FER: variants seen among roughly 807,000 people sequenced by gnomAD.
FER encodes FER tyrosine kinase.
In FER, 63 loss-of-function variants were observed where a neutral mutation model predicts 111.0. The ratio of observed to expected loss-of-function variants is 0.57; its 90% CI spans 0.46 to 0.70. The LOEUF (loss-of-function observed/expected upper bound fraction) is 0.70, where lower values mean the gene tolerates loss of function less well. Ranked by LOEUF, FER falls within the 30% of genes least tolerant of loss-of-function variation. The pLI is 0.00. For missense variants in FER, 914 were observed against 954.0 expected (o/e 0.96, Z 0.55); for synonymous variants, 327 against 313.9 (o/e 1.04, Z -0.44).
intron 16 of FER, among the ~76,000 whole-genome samples, chr5:109,085,341 C>A (rs1777444760): frequency 6.6e-6 from 1 of 151,340 alleles, no homozygotes; most frequent in Non-Finnish European, 1.5e-5. Context: ...GGATGTTTTT[C>A]TAATTTACTT....
intron 13 of FER, among the ~76,000 whole-genome samples, chr5:108,968,297 C>T (rs1281599044): frequency 3.3e-5 from 5 of 151,880 alleles, no homozygotes; most frequent in South Asian, 2.1e-4. Context: ...TGAGGCAGGA[C>T]AATTGCTTGA....
chr5:109,062,801 A>G (rs1774596062), intron 16 of FER, among the ~76,000 whole-genome samples: 1 of 152,138 alleles, frequency 6.6e-6, no homozygotes, highest in African/African-American at 2.4e-5. Flanking sequence ...TTCTGACCTG[A>G]ATGTTCTTTT....
Position 109,074,718 on chromosome 5 carries a change from A to G in FER, c.1925-25678A>G, listed in dbSNP as rs79567307. Among the ~76,000 whole-genome samples, 27 of 152,394 alleles carry G rather than the reference A, an allele frequency of 1.8e-4. 1 individual carries two copies. In the East Asian group the frequency reaches 4.4e-3, roughly 25 times the overall value. Reference sequence around the variant, plus strand: ...ATCTTCATGGAAATTGAAGAGTTGTACAGGTATGTTTTGGAACCAGGGCTT... The same window carrying G: ...ATCTTCATGGAAATTGAAGAGTTGTGCAGGTATGTTTTGGAACCAGGGCTT... On this transcript the variant is annotated intron_variant, in intron 16 of 19. Coordinates refer to ENST00000281092, the MANE Select transcript of FER (RefSeq NM_005246.4).
chr5:108,771,128 G>A (rs1302697209), intron 2 of FER, among the ~76,000 whole-genome samples: 2 of 151,856 alleles, frequency 1.3e-5, no homozygotes, highest in African/African-American at 4.8e-5. Flanking sequence ...TAGAGACAGG[G>A]TTTCACCATG....
At chr5:108,975,985 G>C (rs907017312) in intron 13 of FER, among the ~76,000 whole-genome samples, 9 of 152,208 alleles carry the variant, frequency 5.9e-5, no homozygotes, top group Non-Finnish European at 1.2e-4. Flanking sequence ...GATGTGACCT[G>C]TAGGCCGATG....
chr5:108,866,375 T>C (rs1334955586), intron 5 of FER, among the ~76,000 whole-genome samples: 1 of 151,854 alleles, frequency 6.6e-6, no homozygotes, highest in Admixed American at 6.6e-5. Flanking sequence ...CATAGGTGGG[T>C]ATTGAACAGT....
chr5:108,847,182 A>G (rs773913916), intron 5 of FER, among the ~76,000 whole-genome samples: 5 of 150,910 alleles, frequency 3.3e-5, no homozygotes, highest in East Asian at 1.9e-4. Context: ...TTTGCCCTCA[A>G]TTTTATATAT....
intron 10 of FER, among the ~76,000 whole-genome samples, chr5:108,902,924 TTTA>T (rs1339139806): frequency 1.3e-5 from 2 of 151,752 alleles, no homozygotes; most frequent in African/African-American, 4.8e-5. Flanking sequence ...TATTTATTTA[TTTA>T]TTAAGAGACA....
chr5:108,839,020 T>C (rs1760958069), intron 5 of FER, among the ~76,000 whole-genome samples: 1 of 152,030 alleles, frequency 6.6e-6, no homozygotes. Context: ...TTTTCCTTCA[T>C]TGCCTTAACA....
chr5:109,011,845 AT>A (rs1438819567), intron 13 of FER, among the ~76,000 whole-genome samples: 6 of 152,166 alleles, frequency 3.9e-5, no homozygotes, highest in African/African-American at 1.2e-4. Flanking sequence ...ATTTTCTTTG[AT>A]TGTGGAAATC....
intron 13 of FER, among the ~76,000 whole-genome samples, chr5:109,033,531 C>CT (rs1286102386): frequency 6.6e-6 from 1 of 152,192 alleles, no homozygotes; most frequent in African/African-American, 2.4e-5. Flanking sequence ...CCCTAATTTA[C>CT]TTTTGACTTG....
At chr5:109,080,377 G>C (rs1776849690) in intron 16 of FER, among the ~76,000 whole-genome samples, 1 of 152,032 alleles carries the variant, frequency 6.6e-6, no homozygotes, top group African/African-American at 2.4e-5. Context: ...AGTGAATGTG[G>C]AAAGGTCACA....
At chr5:109,041,197 A>G (rs1415790233) in intron 14 of FER, among the ~76,000 whole-genome samples, 2 of 152,162 alleles carry the variant, frequency 1.3e-5, no homozygotes, top group Admixed American at 6.6e-5. Context: ...TTCTCCAGCC[A>G]TATTAGCTTT....
chr5:108,995,280 A>G (rs1162241217), intron 13 of FER, among the ~76,000 whole-genome samples: 2 of 151,716 alleles, frequency 1.3e-5, no homozygotes, highest in African/African-American at 4.8e-5. Flanking sequence ...TTTTTTAATT[A>G]TTATACTTTA....
At chr5:108,827,381 C>T (rs1477849543) in intron 3 of FER, among the ~76,000 whole-genome samples, 3 of 152,112 alleles carry the variant, frequency 2.0e-5, no homozygotes, top group Admixed American at 6.5e-5. Context: ...GATCCGTACC[C>T]TATATCTTGA....
intron 1 of FER, chr5:108,748,953 T>G (rs1389284960): frequency 6.5e-6 from 1 of 152,676 alleles, no homozygotes. Context: ...GGGTGGTGAC[T>G]GGCTCCGGAG....
At chr5:108,892,000 C>A (rs1441468680) in intron 9 of FER, among the ~76,000 whole-genome samples, 1 of 152,102 alleles carries the variant, frequency 6.6e-6, no homozygotes, top group East Asian at 1.9e-4. Flanking sequence ...TGAACTCATC[C>A]TTTTTTATGG....
chr5:109,137,884 C>A (rs563772560), intron 17 of FER, among the ~76,000 whole-genome samples: 29 of 152,296 alleles, frequency 1.9e-4, no homozygotes, highest in Non-Finnish European at 4.0e-4. Context: ...TATGGACTTA[C>A]CCAGACCCAT....
At chr5:109,019,747 G>A (rs1380329857) in intron 13 of FER, among the ~76,000 whole-genome samples, 1 of 151,692 alleles carries the variant, frequency 6.6e-6, no homozygotes, top group East Asian at 1.9e-4. Flanking sequence ...ATTCTTCCCT[G>A]CAATCCCAGG....
Sources: allele counts gnomAD v4.1 joint callset (sites outside exome capture counted in the v4.1 genomes callset), GRCh38; gene constraint gnomAD v4.1.1; transcripts MANE v1.5; gene names NCBI Gene and HGNC (gene_info 2026-07-23, HGNC 2026-07-21).